AKR1C3: variants seen among roughly 807,000 people sequenced by gnomAD.
AKR1C3 encodes the protein aldo-keto reductase family 1 member C3.
A neutral mutation model predicts 43.6 loss-of-function variants in AKR1C3; 48 were observed. The ratio of observed to expected loss-of-function variants is 1.10; its 90% CI spans 0.87 to 1.40. The LOEUF (loss-of-function observed/expected upper bound fraction) is 1.40. AKR1C3 is among the 40% of genes most tolerant of loss of function. The pLI, the probability that AKR1C3 is intolerant of heterozygous loss-of-function variation, is 0.00. For missense variants in AKR1C3, 482 were observed against 391.2 expected (o/e 1.23, Z -1.96); for synonymous variants, 162 against 139.6 (o/e 1.16, Z -1.13).
intron 1 of AKR1C3, among the ~76,000 whole-genome samples, chr10:5,095,515 G>A (rs781826559): frequency 2.6e-4 from 40 of 151,400 alleles, no homozygotes; most frequent in Non-Finnish European, 5.0e-4. Flanking sequence ...CTCAGGAGAT[G>A]GCGGGGAGAC....
chr10:5,089,673 T>C (rs935282222), upstream of AKR1C3, among the ~76,000 whole-genome samples: 1 of 152,162 alleles, frequency 6.6e-6, no homozygotes, highest in Non-Finnish European at 1.5e-5. Context: ...GTTTTTGACC[T>C]TCTCTGGATC....
Position 5,107,505 on chromosome 10 carries a change from A to G in AKR1C3, c.*2A>G. ...TATCCATATTCAGATGAATATTAAC[A>G]TGGAGGGCTTTGCCTGATGTCTACC... On this transcript the variant is annotated 3_prime_UTR_variant, in exon 9 of 9. Transcript: ENST00000380554. The G allele has an allele frequency of 6.3e-7, 1 of 1,587,458 alleles. No individual in the cohort carries two copies. Among genetic ancestry groups the G allele is most frequent in the Non-Finnish European group, 8.6e-7 (1 of 1,156,362 alleles).
rs577336727 is a variant in AKR1C3 at position 5,061,044 on chromosome 10, CT to C, written c.84+12150del. Among the ~76,000 whole-genome samples the C allele has an allele frequency of 2.5e-3, 376 of 152,316 alleles. 1 individual carries two copies. The highest frequency in any genetic ancestry group is 8.5e-3 in the African/African-American group (353 of 41,572). Reference sequence around the variant, plus strand: ...CTCTCCCTCCACACCTCCCTGCAAGCTGAGGGAGCGAGCTCTGGCCTTGGCC... The same window carrying C: ...CTCTCCCTCCACACCTCCCTGCAAGCGAGGGAGCGAGCTCTGGCCTTGGCC... On this transcript the variant is annotated intron_variant, in intron 1 of 8. Transcript: ENST00000439082.
upstream of AKR1C3, chr10:5,093,320 AG>A (rs1166479598): frequency 2.0e-5 from 3 of 152,126 alleles, no homozygotes; most frequent in African/African-American, 7.2e-5. Context: ...ACTCTGTAAA[AG>A]CTTTCAATGA....
At chr10:5,086,286 C>T (rs1214972879) in intron 1 of AKR1C3, among the ~76,000 whole-genome samples, 1 of 151,442 alleles carries the variant, frequency 6.6e-6, no homozygotes, top group Non-Finnish European at 1.5e-5. Context: ...TCTTTGTTCT[C>T]ATTGGTTTCA....
intron 1 of AKR1C3, among the ~76,000 whole-genome samples, chr10:5,066,007 G>A (rs781820392): frequency 6.6e-6 from 1 of 152,182 alleles, no homozygotes; most frequent in Non-Finnish European, 1.5e-5. Flanking sequence ...ATGGCCAGGG[G>A]TGGTGTCTTT....
At chr10:5,107,038 T>A (rs758517071) in intron 8 of AKR1C3, among the ~76,000 whole-genome samples, 4 of 152,224 alleles carry the variant, frequency 2.6e-5, no homozygotes, top group African/African-American at 9.6e-5. Flanking sequence ...TATTTCTATA[T>A]AAGAATTTTT....
At chr10:5,073,554 A>G (rs1438453613) in intron 1 of AKR1C3, among the ~76,000 whole-genome samples, 1 of 152,024 alleles carries the variant, frequency 6.6e-6, no homozygotes, top group Admixed American at 6.6e-5. Context: ...TTTCTCTCTC[A>G]GTCTTACCCA....
intron 1 of AKR1C3, among the ~76,000 whole-genome samples, chr10:5,060,955 C>T (rs957607250): frequency 6.6e-5 from 10 of 152,350 alleles, no homozygotes; most frequent in African/African-American, 2.2e-4. Flanking sequence ...CTGCTGAGCC[C>T]ATGCCCACCT....
At chr10:5,094,703 C>T (rs777159622) in intron 1 of AKR1C3, among the ~76,000 whole-genome samples, 175 bp downstream of exon 1, 11 of 152,104 alleles carry the variant, frequency 7.2e-5, no homozygotes, top group Non-Finnish European at 1.5e-4. Flanking sequence ...GAGGTCCATT[C>T]CTATGGTCAC....
chr10:5,060,139 T>C (rs1838351633), intron 1 of AKR1C3, among the ~76,000 whole-genome samples: 1 of 152,156 alleles, frequency 6.6e-6, no homozygotes. Flanking sequence ...CAGACCTTCA[T>C]GGTGTTACAG....
intron 7 of AKR1C3, among the ~76,000 whole-genome samples, chr10:5,104,629 CTT>C (rs1839453347): frequency 6.6e-6 from 1 of 151,806 alleles, no homozygotes; most frequent in South Asian, 2.1e-4. Context: ...ATATTTTAGT[CTT>C]TGGTTGATAT....
At chr10:5,052,666 A>G (rs533421285) in intron 1 of AKR1C3, among the ~76,000 whole-genome samples, 2 of 152,278 alleles carry the variant, frequency 1.3e-5, no homozygotes, top group African/African-American at 2.4e-5. Flanking sequence ...AGCTAGATAC[A>G]GAGTGCCGAT....
At chr10:5,104,122 GTAGT>G (rs1351651076) in intron 7 of AKR1C3, among the ~76,000 whole-genome samples, 1 of 152,082 alleles carries the variant, frequency 6.6e-6, no homozygotes, top group Non-Finnish European at 1.5e-5. Flanking sequence ...TACTTTTCAT[GTAGT>G]TAAATTATTC....
intron 1 of AKR1C3, among the ~76,000 whole-genome samples, chr10:5,084,814 TA>T (rs1838924537): frequency 6.6e-6 from 1 of 152,214 alleles, no homozygotes; most frequent in South Asian, 2.1e-4. Flanking sequence ...GTTGGATTCC[TA>T]GGTATTTTAT....
chr10:5,073,614 T>C (rs1363335260), intron 1 of AKR1C3, among the ~76,000 whole-genome samples: 1 of 152,144 alleles, frequency 6.6e-6, no homozygotes, highest in Non-Finnish European at 1.5e-5. Context: ...ATATGAAGAA[T>C]TGAAAACCCC....
Position 5,105,625 on chromosome 10 carries a change from A to C in AKR1C3, c.877A>C (p.Met293Leu). Residue 293 changes from methionine (M) to leucine (L), a missense_variant, in exon 8 of 9, where the codon ATG becomes CTG. Physicochemically the swap from Met to Leu is conservative, Grantham distance 15. Coordinates refer to ENST00000380554, the MANE Select transcript of AKR1C3 (RefSeq NM_003739.6). ...VFEFQLTAED[M>L]KAIDGLDRNL... ...TGAGTTCCAGTTGACTGCAGAGGAC[A>C]TGAAAGCCATAGATGGCCTAGACAG... 6.2e-7 allele frequency: 1 copy of C among 1,614,128 alleles called. No individual in the cohort carries two copies.
intron 1 of AKR1C3, among the ~76,000 whole-genome samples, chr10:5,082,349 T>C: frequency 6.6e-6 from 1 of 152,192 alleles, no homozygotes; most frequent in East Asian, 1.9e-4. Flanking sequence ...GGAGTGGACA[T>C]CCTTGTCTTG....
intron 1 of AKR1C3, among the ~76,000 whole-genome samples, chr10:5,079,200 G>A (rs1280698554): frequency 6.6e-6 from 1 of 152,176 alleles, no homozygotes; most frequent in Non-Finnish European, 1.5e-5. Flanking sequence ...GTGTCTGAGG[G>A]TGGTATCTGC....
Sources: allele counts gnomAD v4.1 joint callset (sites outside exome capture counted in the v4.1 genomes callset), GRCh38; gene constraint gnomAD v4.1.1; transcripts MANE v1.5; gene names NCBI Gene and HGNC (gene_info 2026-07-23, HGNC 2026-07-21).